TTC7B: variants seen among roughly 807,000 people sequenced by gnomAD.
The protein encoded by TTC7B is tetratricopeptide repeat domain 7B.
Under a neutral mutation model 106.8 loss-of-function variants are expected in TTC7B, and 28 were observed. The ratio of observed to expected loss-of-function variants is 0.26; its 90% CI spans 0.19 to 0.36. TTC7B has a LOEUF of 0.36. TTC7B is among the 10% of genes least tolerant of loss of function. The pLI is 1.00. For synonymous variants in TTC7B, 405 were observed against 430.6 expected, an observed-to-expected ratio of 0.94 and a Z score of 0.74; for missense variants, 862 against 1,076.4, an observed-to-expected ratio of 0.80 and a Z score of 2.79.
At chr14:90,718,462 T>G (rs1888746289) in intron 5 of TTC7B, among the ~76,000 whole-genome samples, 1 of 152,224 alleles carries the variant, frequency 6.6e-6, no homozygotes, top group Admixed American at 6.5e-5. Flanking sequence ...TGTTATTTCT[T>G]GCTAAGGTCA....
At position 90,585,357 on chromosome 14, in the gene TTC7B, C is replaced by T. The variant is rs918196256; in HGVS notation, c.2108-7049G>A. 3.3e-5 allele frequency among the ~76,000 whole-genome samples: 5 copies of T among 152,228 alleles called. No individual in the cohort carries two copies. The South Asian group carries it at 8.3e-4, about 25-fold the overall frequency. Reference sequence around the variant, plus strand: ...TGGCCTCAGCCCCGCTGTTCTGACTCCTGACCCATCCCCTCCGCTGCCTTG... The same window carrying T: ...TGGCCTCAGCCCCGCTGTTCTGACTTCTGACCCATCCCCTCCGCTGCCTTG... On this transcript the variant is annotated intron_variant, in intron 18 of 19. Coordinates refer to ENST00000328459, the MANE Select transcript of TTC7B (RefSeq NM_001010854.2).
intron 5 of TTC7B, among the ~76,000 whole-genome samples, chr14:90,714,057 G>T (rs1566851233): frequency 1.3e-5 from 2 of 152,054 alleles, no homozygotes; most frequent in Non-Finnish European, 2.9e-5. Flanking sequence ...GAGAAACTTT[G>T]TCTCTATTAA....
chr14:90,560,966 C>G (rs1890549610), intron 19 of TTC7B, among the ~76,000 whole-genome samples: 1 of 152,240 alleles, frequency 6.6e-6, no homozygotes, highest in African/African-American at 2.4e-5. Context: ...ACTCAATTGA[C>G]CTGCCTTGCT....
chr14:90,691,427 T>G (rs1231152209), intron 6 of TTC7B, among the ~76,000 whole-genome samples: 1 of 152,184 alleles, frequency 6.6e-6, no homozygotes, highest in Non-Finnish European at 1.5e-5. Context: ...GGCCATTTGG[T>G]TATGTCCACT....
intron 16 of TTC7B, among the ~76,000 whole-genome samples, chr14:90,616,122 G>A (rs1003762939): frequency 3.3e-5 from 5 of 152,344 alleles, no homozygotes; most frequent in African/African-American, 9.6e-5. Context: ...GGGGAACTGA[G>A]GGGAAATTGG....
At chr14:90,617,813 C>T in intron 16 of TTC7B, 116 bp downstream of exon 16, 1 of 752,378 alleles carries the variant, frequency 1.3e-6, no homozygotes, top group South Asian at 1.6e-5. Context: ...CTTGTGGGGG[C>T]CTGGAGGTGC....
chr14:90,604,727 TC>T (rs1415440767), intron 17 of TTC7B, among the ~76,000 whole-genome samples: 1 of 152,146 alleles, frequency 6.6e-6, no homozygotes, highest in Admixed American at 6.6e-5. Flanking sequence ...AAGGATGGGC[TC>T]CCCGGGTCAG....
At position 90,541,560 on chromosome 14, in the gene TTC7B, G is replaced by A. The variant is rs1379638251; in HGVS notation, c.2340C>T (p.Tyr780=). Residue 780 remains tyrosine, a synonymous_variant, in exon 20 of 20, where the codon TAC becomes TAT. Transcript: ENST00000328459. ...CCCGGAGGATCTTCTCCGCCAGACT[G>A]TAGCGGCCTAGCTGGTGAAGGATCA... ...LALILHQLGR[Y]SLAEKILRDA... is the part of the protein sequence containing the mutation. 28 of 1,605,728 alleles carry A rather than the reference G, an allele frequency of 1.7e-5. No homozygotes were observed. Among genetic ancestry groups the A allele is most frequent in the Non-Finnish European group, 2.4e-5 (28 of 1,173,816 alleles).
chr14:90,794,314 C>A (rs552801756), intron 1 of TTC7B, among the ~76,000 whole-genome samples: 4 of 150,788 alleles, frequency 2.7e-5, no homozygotes, highest in Non-Finnish European at 4.4e-5. Flanking sequence ...GCAACCTCCA[C>A]CTCCCGGGTT....
At chr14:90,770,311 G>C (rs1038366422) in intron 3 of TTC7B, among the ~76,000 whole-genome samples, 1 of 152,186 alleles carries the variant, frequency 6.6e-6, no homozygotes, top group African/African-American at 2.4e-5. Context: ...GGGAGAAACA[G>C]AGAATTCTAT....
At chr14:90,625,684 G>A (rs1343015898) in intron 15 of TTC7B, among the ~76,000 whole-genome samples, 6 of 152,204 alleles carry the variant, frequency 3.9e-5, no homozygotes, top group Non-Finnish European at 8.8e-5. Context: ...AGCTGGAAGG[G>A]ATGAGAAAGG....
At chr14:90,674,166 A>G (rs1886735565) in intron 9 of TTC7B, among the ~76,000 whole-genome samples, 2 of 152,000 alleles carry the variant, frequency 1.3e-5, no homozygotes, top group African/African-American at 4.8e-5. Context: ...GATGAGGAGG[A>G]AAAAAAAGTG....
chr14:90,544,072 C>G (rs1045988279), intron 19 of TTC7B, among the ~76,000 whole-genome samples: 1 of 152,172 alleles, frequency 6.6e-6, no homozygotes, highest in Non-Finnish European at 1.5e-5. Flanking sequence ...GTGTGTGGCC[C>G]CTGTGGAGGC....
intron 17 of TTC7B, among the ~76,000 whole-genome samples, chr14:90,598,907 G>A (rs1892319721): frequency 6.6e-6 from 1 of 152,222 alleles, no homozygotes; most frequent in Non-Finnish European, 1.5e-5. Flanking sequence ...CAGCACTTTG[G>A]GAGGCTGAGG....
At chr14:90,557,460 G>C (rs546309828) in intron 19 of TTC7B, among the ~76,000 whole-genome samples, 1 of 152,350 alleles carries the variant, frequency 6.6e-6, no homozygotes, top group Admixed American at 6.5e-5. Context: ...GAAAATTCTG[G>C]GGTTTGATGA....
chr14:90,810,000 A>G (rs2030812524), intron 1 of TTC7B, among the ~76,000 whole-genome samples: 2 of 152,212 alleles, frequency 1.3e-5, no homozygotes, highest in African/African-American at 4.8e-5. Flanking sequence ...ACCTCCCTAT[A>G]AGTTTGGCAC....
chr14:90,630,303 C>T (rs1213066308), intron 15 of TTC7B, among the ~76,000 whole-genome samples: 1 of 152,146 alleles, frequency 6.6e-6, no homozygotes, highest in Non-Finnish European at 1.5e-5. Flanking sequence ...GCGTGGGGTG[C>T]TGGGAGGCTG....
intron 19 of TTC7B, among the ~76,000 whole-genome samples, chr14:90,573,567 TCCGG>T (rs1891132598): frequency 8.0e-6 from 1 of 124,656 alleles, no homozygotes; most frequent in Non-Finnish European, 1.7e-5. Flanking sequence ...ACGGTCCCTC[TCCGG>T]CTCACGGTCC....
chr14:90,609,878 C>A (rs762015873), intron 17 of TTC7B, among the ~76,000 whole-genome samples: 1 of 152,258 alleles, frequency 6.6e-6, no homozygotes, highest in East Asian at 1.9e-4. Context: ...GCTCTAAAAT[C>A]GAGATGTTTC....
Sources: allele counts gnomAD v4.1 joint callset (sites outside exome capture counted in the v4.1 genomes callset), GRCh38; gene constraint gnomAD v4.1.1; transcripts MANE v1.5; gene names NCBI Gene and HGNC (gene_info 2026-07-23, HGNC 2026-07-21).